The following DHX36 variants were observed in gnomAD, a reference collection of about 807,000 sequenced individuals.
The protein encoded by DHX36 is DEAH-box helicase 36.
In DHX36, 50 loss-of-function variants were observed where a neutral mutation model predicts 139.0. That is an observed-to-expected ratio of 0.36 (90% CI 0.29 to 0.46). The LOEUF is 0.46. Among genes scored for constraint, DHX36 ranks in the 20% least tolerant of loss-of-function variants. The probability of loss-of-function intolerance (pLI) is 1.00; values close to 1 mark genes in which losing one functional copy is unlikely to be tolerated. For missense variants in DHX36, 1,024 were observed against 1,211.3 expected (o/e 0.85, Z 2.29); for synonymous variants, 425 against 401.9 (o/e 1.06, Z -0.69).
At chr3:154,285,960 T>C (rs963311973) in intron 17 of DHX36, among the ~76,000 whole-genome samples, 1 of 151,624 alleles carries the variant, frequency 6.6e-6, no homozygotes. Flanking sequence ...AACAAAATAA[T>C]GGCAAATTGA....
Position 154,303,419 on chromosome 3 carries a change from G to A in DHX36, c.1136-9C>T, listed in dbSNP as rs1398016432. On this transcript the variant is annotated splice_polypyrimidine_tract_variant and intron_variant, in intron 8 of 24. Coordinates refer to ENST00000496811, the MANE Select transcript of DHX36 (RefSeq NM_020865.3). ...TATCATTGGACAGTTACCTATTACG[G>A]CAGACAAAATATAAGCATAAATTTG... 3.2e-6 allele frequency: 5 copies of A among 1,575,180 alleles called. No homozygotes were observed. The highest frequency in any genetic ancestry group is 1.2e-5 in the South Asian group (1 of 83,786).
chr3:154,293,694 T>C (rs1455127669), intron 14 of DHX36, 54 bp downstream of exon 14: 8 of 1,278,608 alleles, frequency 6.3e-6, no homozygotes, highest in Non-Finnish European at 6.8e-6. Context: ...AAACACGTTA[T>C]GGTGTTTAAA....
rs951256475 is a variant in DHX36 at position 154,273,907 on chromosome 3, T to C, written c.*2264A>G. On this transcript the variant is annotated 3_prime_UTR_variant, in exon 25 of 25. Transcript: ENST00000496811. ...GCATGTCCAGCACTTTTACACCTTCTGTCAGACAAATAGGTTAAAACTCTT... is the reference window on the plus strand; with the variant it reads ...GCATGTCCAGCACTTTTACACCTTCCGTCAGACAAATAGGTTAAAACTCTT... The C allele has an allele frequency of 2.2e-4, 34 of 152,226 alleles. No homozygotes were observed. Among genetic ancestry groups the C allele is most frequent in the African/African-American group, 8.2e-4 (34 of 41,458 alleles). The allele number at this position is 152,226 out of a possible 1,614,324, so 9.4% of individuals were successfully genotyped here. A position where few individuals can be genotyped will look rare whatever the true frequency, so the allele number is the denominator to read the frequency against.
In DHX36 at chr3:154,289,698, A is replaced by C. The variant is rs1308341444; in HGVS notation, c.1932+11T>G. 6.8e-7 allele frequency: 1 copy of C among 1,469,918 alleles called. No homozygotes were observed. Among genetic ancestry groups the C allele is most frequent in the Non-Finnish European group, 9.5e-7 (1 of 1,051,168 alleles). The allele number at this position is 1,469,918 out of a possible 1,614,324, so 91.1% of individuals were successfully genotyped here. Reference sequence around the variant, plus strand: ...TTCCATTTAGTTTCTTCATTCTCCCACCTAATTTACCTTTATTTGTAAACA... The same window carrying C: ...TTCCATTTAGTTTCTTCATTCTCCCCCCTAATTTACCTTTATTTGTAAACA... On this transcript the variant is annotated intron_variant, in intron 16 of 24. Coordinates refer to ENST00000496811, the MANE Select transcript of DHX36 (RefSeq NM_020865.3).
chr3:154,306,085 G>A (rs1198062141), intron 6 of DHX36, 131 bp downstream of exon 6: 3 of 639,216 alleles, frequency 4.7e-6, no homozygotes, highest in African/African-American at 3.7e-5. Flanking sequence ...CATCTACGCT[G>A]CAGTTACTTT....
chr3:154,295,607 A>C (rs1712013468), intron 12 of DHX36, among the ~76,000 whole-genome samples: 1 of 152,218 alleles, frequency 6.6e-6, no homozygotes, highest in Non-Finnish European at 1.5e-5. Flanking sequence ...CTCCAAGTTC[A>C]AGCTAACATT....
At chr3:154,284,164 A>G (rs180827598) in intron 19 of DHX36, among the ~76,000 whole-genome samples, 3 of 152,242 alleles carry the variant, frequency 2.0e-5, no homozygotes, top group East Asian at 1.9e-4. Context: ...CCTGATACCT[A>G]TGATAATATA....
intron 17 of DHX36, among the ~76,000 whole-genome samples, chr3:154,288,243 G>T (rs1711628137): frequency 6.7e-6 from 1 of 148,334 alleles, no homozygotes; most frequent in Non-Finnish European, 1.5e-5. Context: ...AAATAATCCA[G>T]AGCTCTGCTC....
At position 154,276,127 on chromosome 3, in the gene DHX36, G is replaced by A; in HGVS notation, c.*44C>T. 2 of 1,571,698 alleles carry A rather than the reference G, an allele frequency of 1.3e-6. No homozygotes were observed. Among genetic ancestry groups the A allele is most frequent in the Middle Eastern group, 1.7e-4 (1 of 5,850 alleles). On this transcript the variant is annotated 3_prime_UTR_variant, in exon 25 of 25. Transcript: ENST00000496811. ...CAGCCAAAATTTAAACAATGATGAA[G>A]AATGGCTGTCAAACTGGCTTTTCAG...
At chr3:154,290,097 A>G (rs1711727447) in intron 15 of DHX36, among the ~76,000 whole-genome samples, 2 of 152,206 alleles carry the variant, frequency 1.3e-5, no homozygotes, top group Admixed American at 1.3e-4. Context: ...TATTTCTGAC[A>G]GATTCCAAAT....
intron 16 of DHX36, 49 bp from the exon 17 acceptor site, chr3:154,289,013 T>C: frequency 1.0e-6 from 1 of 971,648 alleles, no homozygotes; most frequent in East Asian, 2.8e-5. Context: ...ATTAATATAT[T>C]AGCATTACAA....
At chr3:154,315,908 C>A in intron 2 of DHX36, 131 bp downstream of exon 2, 2 of 1,085,992 alleles carry the variant, frequency 1.8e-6, no homozygotes, top group Non-Finnish European at 2.6e-6. Flanking sequence ...TTTTCTAAAT[C>A]TGTTTAATCT....
chr3:154,276,109 A>T lies in DHX36; in HGVS notation c.*62T>A. Reference sequence around the variant, plus strand: ...GTCCCAGGGTTTGGCATCCAGCCAAAATTTAAACAATGATGAAGAATGGCT... The same window carrying T: ...GTCCCAGGGTTTGGCATCCAGCCAATATTTAAACAATGATGAAGAATGGCT... On this transcript the variant is annotated 3_prime_UTR_variant, in exon 25 of 25. Coordinates refer to ENST00000496811, the MANE Select transcript of DHX36 (RefSeq NM_020865.3). 6.5e-7 allele frequency: 1 copy of T among 1,547,432 alleles called. No individual in the cohort carries two copies. The highest frequency in any genetic ancestry group is 8.7e-7 in the Non-Finnish European group (1 of 1,146,550).
At chr3:154,300,428 C>T (rs1013506862) in intron 11 of DHX36, among the ~76,000 whole-genome samples, 166 bp downstream of exon 11, 1 of 152,218 alleles carries the variant, frequency 6.6e-6, no homozygotes, top group East Asian at 1.9e-4. Flanking sequence ...TTTCTTCAAA[C>T]AGGTCAAATG....
chr3:154,305,567 C>G (rs1488060956), intron 6 of DHX36, among the ~76,000 whole-genome samples: 1 of 152,062 alleles, frequency 6.6e-6, no homozygotes, highest in Non-Finnish European at 1.5e-5. Flanking sequence ...CCCAGGAGCT[C>G]AAGACCAGCC....
rs1331669290 is a variant in DHX36 at position 154,312,900 on chromosome 3, T to TATATATAA, written c.604-1227_604-1226insTTATATAT. The stretch of plus-strand genomic sequence containing the variant: ...ATATATATATATATATATATATATA[T>TATATATAA]AAAATAAATAAAGAACTGTCTTTGG... On this transcript the variant is annotated intron_variant, in intron 3 of 24. Coordinates refer to ENST00000496811, the MANE Select transcript of DHX36 (RefSeq NM_020865.3). Among the ~76,000 whole-genome samples the TATATATAA allele has an allele frequency of 2.9e-3, 194 of 67,576 alleles. 3 individuals are homozygous for TATATATAA. The highest frequency in any genetic ancestry group is 0.013 in the East Asian group (22 of 1,662). 44.3% of individuals were successfully genotyped at this position (67,576 alleles called of 152,430 possible). A position where few individuals can be genotyped will look rare whatever the true frequency, so the allele number is the denominator to read the frequency against.
chr3:154,307,545 C>T (rs1712550421), intron 5 of DHX36, among the ~76,000 whole-genome samples: 1 of 151,974 alleles, frequency 6.6e-6, no homozygotes, highest in African/African-American at 2.4e-5. Flanking sequence ...CAGAGAAATG[C>T]AAATTAAAAC....
intron 6 of DHX36, among the ~76,000 whole-genome samples, chr3:154,305,604 G>A (rs1321764854): frequency 6.6e-6 from 1 of 151,976 alleles, no homozygotes; most frequent in African/African-American, 2.4e-5. Context: ...ATCCAGGCTC[G>A]AAAAGTAAAA....
chr3:154,312,869 AT>A lies in DHX36; in HGVS notation c.604-1196del, dbSNP rs1409341116. Among the ~76,000 whole-genome samples the A allele has an allele frequency of 5.8e-5, 5 of 86,008 alleles. No individual in the cohort carries two copies. In the South Asian group the frequency reaches 9.7e-4, roughly 17 times the overall value. 56.4% of individuals were successfully genotyped at this position (86,008 alleles called of 152,430 possible). On this transcript the variant is annotated intron_variant, in intron 3 of 24. Transcript: ENST00000496811. ...ATAATTAAAATATATATATATATAT[AT>A]ATATATATATATATATATATATATA...
Sources: gnomAD v4.1 joint callset for allele counts (sites outside exome capture counted in the v4.1 genomes callset) on GRCh38, gnomAD v4.1.1 for gene constraint, MANE v1.5 for transcripts, NCBI Gene and HGNC (gene_info 2026-07-23, HGNC 2026-07-21) for gene names.